KMT2D: variants seen among roughly 807,000 people sequenced by gnomAD.
KMT2D encodes lysine methyltransferase 2D.
KMT2D carries 55 observed loss-of-function variants against 512.7 expected under a neutral mutation model. The observed-to-expected ratio is 0.11, with a 90% CI of 0.09 to 0.13. The LOEUF is 0.13. KMT2D is among the 10% of genes least tolerant of loss of function. KMT2D has a pLI of 1.00. For synonymous variants in KMT2D, 2,995 were observed against 2,904.0 expected, an observed-to-expected ratio of 1.03 and a Z score of -1.01; for missense variants, 6,061 against 7,127.9, an observed-to-expected ratio of 0.85 and a Z score of 5.39.
In KMT2D at chr12:49,046,834, G is replaced by A. The variant is rs750680041; in HGVS notation, c.4237-44C>T. ...ACTTCTCAGGGTGTGAGGTGGAAAA[G>A]AGGTAGAACTTCTTTTTATTTTTTT... On this transcript the variant is annotated intron_variant, in intron 15 of 54. Transcript: ENST00000301067. The surrounding 1 kb of genome is among the most constrained non-coding windows in gnomAD (Gnocchi z 4.2). The A allele has an allele frequency of 6.5e-7, 1 of 1,548,168 alleles. No individual in the cohort carries two copies. The highest frequency in any genetic ancestry group is 8.8e-7 in the Non-Finnish European group (1 of 1,138,520).
chr12:49,046,255 C>A lies in KMT2D; in HGVS notation c.4583+5G>T, dbSNP rs1422054253. The A allele has an allele frequency of 6.2e-7, 1 of 1,613,890 alleles. No individual in the cohort carries two copies. The highest frequency in any genetic ancestry group is 1.3e-5 in the African/African-American group (1 of 74,930). On this transcript the variant is annotated splice_donor_5th_base_variant and intron_variant, in intron 17 of 54. Coordinates refer to ENST00000301067, the MANE Select transcript of KMT2D (RefSeq NM_003482.4). This position sits in a 1 kb window ranked among gnomAD's most constrained non-coding sequence, Gnocchi z 4.2. The stretch of plus-strand genomic sequence containing the variant: ...GCCAAAGTGAGGAGAAAGGGATGTT[C>A]TCACCGTTCACAGTGGCGGCACTGG...
At chr12:49,048,987 C>A in intron 13 of KMT2D, 118 bp downstream of exon 13, 1 of 741,744 alleles carries the variant, frequency 1.3e-6, no homozygotes, top group East Asian at 2.7e-5. Context: ...GGAATTCAGA[C>A]ATAGCCAGAC....
In KMT2D at chr12:49,022,937, C is replaced by T. The variant is rs1942396677; in HGVS notation, c.16053-62G>A. On this transcript the variant is annotated intron_variant, in intron 51 of 54. Transcript: ENST00000301067. The surrounding 1 kb of genome is among the most constrained non-coding windows in gnomAD (Gnocchi z 8.6). ...CCTCAGACCAAGTACATACCACCCA[C>T]CTCCTCTGCCACCTCCTGGGATGTG... 2 of 1,465,990 alleles carry T rather than the reference C, an allele frequency of 1.4e-6. No homozygotes were observed. The highest frequency in any genetic ancestry group is 4.7e-5 in the Admixed American group (2 of 42,728). 90.8% of individuals were successfully genotyped at this position (1,465,990 alleles called of 1,614,324 possible).
Position 49,041,946 on chromosome 12 carries a change from C to T in KMT2D, c.6154G>A (p.Val2052Ile), listed in dbSNP as rs761429708. The change falls in exon 30 of 55, where the codon GTT becomes ATT. Residue 2052 changes from valine to isoleucine, a missense_variant. Transcript: ENST00000301067. The surrounding 1 kb of genome is among the most constrained non-coding windows in gnomAD (Gnocchi z 5.4). ...CKQIMKLWRK[V>I]PAADKAPYLQ... The stretch of plus-strand genomic sequence containing the variant: ...TAGGGGGCTTTGTCAGCTGCTGGAA[C>T]CTTTCTCCAGAGCTTCATGATTTGT... The T allele has an allele frequency of 6.2e-6, 10 of 1,610,260 alleles. No homozygotes were observed. The highest frequency in any genetic ancestry group is 1.1e-5 in the South Asian group (1 of 90,138).
At chr12:49,028,711 T>C in intron 46 of KMT2D, 117 bp downstream of exon 46, 1 of 1,339,510 alleles carries the variant, frequency 7.5e-7, no homozygotes. Context: ...GGCTTTCACA[T>C]ACAATAGGTA....
rs1440548664 is a variant in KMT2D at position 49,044,701 on chromosome 12, C to T, written c.4963+43G>A. 11 of 1,584,176 alleles carry T rather than the reference C, an allele frequency of 6.9e-6. No individual in the cohort carries two copies. The highest frequency in any genetic ancestry group is 4.5e-5 in the East Asian group (2 of 44,458). Reference sequence around the variant, plus strand: ...ACCCAACATCCCACTCCCAGAGTCACGCTCCCCCTACTCTGCCGCTCCCTA... The same window carrying T: ...ACCCAACATCCCACTCCCAGAGTCATGCTCCCCCTACTCTGCCGCTCCCTA... On this transcript the variant is annotated intron_variant, in intron 20 of 54. Transcript: ENST00000301067. This position sits in a 1 kb window ranked among gnomAD's most constrained non-coding sequence, Gnocchi z 6.4.
At position 49,042,463 on chromosome 12, in the gene KMT2D, G is replaced by C. The variant is rs1943584883; in HGVS notation, c.5867+98C>G. 5.2e-6 allele frequency: 8 copies of C among 1,524,812 alleles called. No homozygotes were observed. The highest frequency in any genetic ancestry group is 1.2e-5 in the South Asian group (1 of 83,650). The allele number at this position is 1,524,812 out of a possible 1,614,324, so 94.5% of individuals were successfully genotyped here. ...CTAACAAGGGAATGGGGAGGAGCAG[G>C]GGAAGTGCTGCAGGAGTCCGAGGGA... On this transcript the variant is annotated intron_variant, in intron 28 of 54. Transcript: ENST00000301067. This position sits in a 1 kb window ranked among gnomAD's most constrained non-coding sequence, Gnocchi z 4.4.
intron 11 of KMT2D, 31 bp from the exon 12 acceptor site, chr12:49,050,821 T>C (rs2120657605): frequency 6.3e-7 from 1 of 1,583,692 alleles, no homozygotes; most frequent in South Asian, 1.1e-5. Flanking sequence ...GAAGGGCTCT[T>C]AGATTAGATG....
chr12:49,025,582 A>C (rs531550877), intron 49 of KMT2D, among the ~76,000 whole-genome samples: 1 of 152,324 alleles, frequency 6.6e-6, no homozygotes, highest in East Asian at 1.9e-4. Flanking sequence ...AAAATCACCT[A>C]ACAATGCATT....
At chr12:49,053,155 T>C in intron 8 of KMT2D, 52 bp downstream of exon 8, 1 of 1,610,886 alleles carries the variant, frequency 6.2e-7, no homozygotes, top group Non-Finnish European at 8.5e-7. Context: ...AGACAGAGAA[T>C]GCTGTAGCAG....
chr12:49,035,051 G>C, intron 35 of KMT2D, 116 bp from the exon 36 acceptor site: 2 of 1,293,346 alleles, frequency 1.5e-6, no homozygotes, highest in African/African-American at 1.5e-5. Context: ...GGCACGGCAA[G>C]GCAGAAAGAC....
In KMT2D at chr12:49,051,702, G is replaced by A. The variant is rs371225040; in HGVS notation, c.1981C>T (p.Arg661Cys). ...SRLSPLPVVS[R>C]LSPPPEESPL... ...GATTCCTCAGGCGGTGGAGACAGGC[G>A]TGACACCACAGGCAGGGGGGATAGG... The change falls in exon 11 of 55, where the codon CGC (arginine) becomes TGC (cysteine). Residue 661 changes from arginine (R) to cysteine (C), a missense_variant. Around this residue, in one of 16 missense-constraint regions of KMT2D, gnomAD observed 848 missense variants for 838.5 expected, o/e 1.01. Coordinates refer to ENST00000301067, the MANE Select transcript of KMT2D (RefSeq NM_003482.4). 14 of 1,582,744 alleles carry A rather than the reference G, an allele frequency of 8.8e-6. No individual in the cohort carries two copies. Among genetic ancestry groups the A allele is most frequent in the East Asian group, 6.8e-5 (3 of 43,964 alleles).
Position 49,037,778 on chromosome 12 carries a change from G to A in KMT2D, c.9578C>T (p.Ala3193Val), listed in dbSNP as rs2120485537. 6.3e-7 allele frequency: 1 copy of A among 1,595,816 alleles called. No homozygotes were observed. The highest frequency in any genetic ancestry group is 8.5e-7 in the Non-Finnish European group (1 of 1,170,928). Reference sequence around the variant, plus strand: ...CAGTGGGCTGGGGGTCAGCAGGTGAGCTGGTGGTCCTCCCGTGGCCCCAAA... The same window carrying A: ...CAGTGGGCTGGGGGTCAGCAGGTGAACTGGTGGTCCTCCCGTGGCCCCAAA... ...ASFGATGGPP[A>V]HLLTPSPLSG... The change falls in exon 35 of 55, where the codon GCT (alanine) becomes GTT (valine). Residue 3193 changes from alanine (A) to valine (V), a missense_variant. By Grantham distance (64) the Ala-to-Val change is moderately conservative. Coordinates refer to ENST00000301067, the MANE Select transcript of KMT2D (RefSeq NM_003482.4).
chr12:49,059,216 C>A (rs1938590956), intron 1 of KMT2D, among the ~76,000 whole-genome samples: 1 of 152,092 alleles, frequency 6.6e-6, no homozygotes, highest in Non-Finnish European at 1.5e-5. Flanking sequence ...TGACACCCTC[C>A]CCCACCATCC....
rs2120486409 is a variant in KMT2D, at chr12:49,037,841, G to A, written c.9515C>T (p.Pro3172Leu). The A allele has an allele frequency of 6.3e-7, 1 of 1,596,726 alleles. No individual in the cohort carries two copies. The highest frequency in any genetic ancestry group is 8.5e-7 in the Non-Finnish European group (1 of 1,171,544). ...AGCTGTGTGCCCACTGCTAGAAAAT[G>A]GCCCTGTGCCCATCCGGGTATCCCG... Reference protein sequence around the residue: ...GSRDTRMGTGPFSSSGHTAEK... With the variant: ...GSRDTRMGTGLFSSSGHTAEK... The change falls in exon 35 of 55, where the codon CCA becomes CTA. Residue 3172 changes from proline (P) to leucine (L), a missense_variant. By Grantham distance (98) the Pro-to-Leu change is moderately conservative. Around this residue, in one of 16 missense-constraint regions of KMT2D, gnomAD observed 533 missense variants for 539.6 expected, o/e 0.99. Transcript: ENST00000301067.
Position 49,052,153 on chromosome 12 carries a change from T to C in KMT2D, c.1530A>G (p.Ser510=), listed in dbSNP as rs2120681845. The C allele has an allele frequency of 6.2e-7, 1 of 1,610,984 alleles. No homozygotes were observed. The highest frequency in any genetic ancestry group is 8.5e-7 in the Non-Finnish European group (1 of 1,179,168). ...ESPLSPPPES[S]PFSPLEESPL... Reference sequence around the variant, plus strand: ...GCGACTCCTCCAGTGGAGAAAAAGGTGATGATTCAGGTGGGGGAGACAGAG... The same window carrying C: ...GCGACTCCTCCAGTGGAGAAAAAGGCGATGATTCAGGTGGGGGAGACAGAG... The change falls in exon 11 of 55, where the codon TCA becomes TCG. Residue 510 remains serine (S), a synonymous_variant. Coordinates refer to ENST00000301067, the MANE Select transcript of KMT2D (RefSeq NM_003482.4).
At chr12:49,028,440 C>A (rs964048995) in intron 46 of KMT2D, among the ~76,000 whole-genome samples, 1 of 152,224 alleles carries the variant, frequency 6.6e-6, no homozygotes, top group African/African-American at 2.4e-5. Context: ...GACCTGAGGA[C>A]TCTTGTAGTA....
In KMT2D at chr12:49,051,430, G is replaced by A. The variant is rs1456656949; in HGVS notation, c.2253C>T (p.His751=). The change falls in exon 11 of 55, where the codon CAC becomes CAT. Residue 751 remains histidine, a synonymous_variant. Coordinates refer to ENST00000301067, the MANE Select transcript of KMT2D (RefSeq NM_003482.4). The stretch of plus-strand genomic sequence containing the variant: ...GTGGCTCCTCAGGCCGGGGGGACAG[G>A]TGCGGCTCCTCAGGCCGGGGTGACA... ...PHLSPRPEEP[H]LSPRPEEPHL... The A allele has an allele frequency of 2.5e-6, 4 of 1,608,322 alleles. No individual in the cohort carries two copies. Among genetic ancestry groups the A allele is most frequent in the Non-Finnish European group, 3.4e-6 (4 of 1,178,742 alleles).
At position 49,046,466 on chromosome 12, in the gene KMT2D, C is replaced by G. The variant is rs777830684; in HGVS notation, c.4419-42G>C. On this transcript the variant is annotated intron_variant, in intron 16 of 54. Coordinates refer to ENST00000301067, the MANE Select transcript of KMT2D (RefSeq NM_003482.4). This position sits in a 1 kb window ranked among gnomAD's most constrained non-coding sequence, Gnocchi z 4.2. ...AACAGAGCTTTAGCACCCAACCTAC[C>G]CGAAGTACCCAGAAGTCCCCTCACC... 1 of 1,604,808 alleles carries G rather than the reference C, an allele frequency of 6.2e-7. No homozygotes were observed. The highest frequency in any genetic ancestry group is 1.7e-4 in the Middle Eastern group (1 of 6,032).
Sources: gnomAD v4.1 joint callset for allele counts (sites outside exome capture counted in the v4.1 genomes callset) on GRCh38, gnomAD v4.1.1 for gene constraint, gnomAD v4.1.1 regional missense constraint, Gnocchi (gnomAD v3.1) non-coding constraint, MANE v1.5 for transcripts, NCBI Gene and HGNC (gene_info 2026-07-23, HGNC 2026-07-21) for gene names.